PEAK1: variants seen among roughly 807,000 people sequenced by gnomAD.
PEAK1 encodes the protein inactive tyrosine-protein kinase PEAK1.
PEAK1 carries 54 observed loss-of-function variants against 124.7 expected under a neutral mutation model. The observed-to-expected ratio is 0.43, with a 90% CI of 0.35 to 0.54. The LOEUF (loss-of-function observed/expected upper bound fraction) is 0.54, where lower values mean the gene tolerates loss of function less well. Among genes scored for constraint, PEAK1 ranks in the 20% least tolerant of loss-of-function variants. The pLI, the probability that PEAK1 is intolerant of heterozygous loss-of-function variation, is 0.01. For missense variants in PEAK1, 2,046 were observed against 2,134.5 expected (o/e 0.96, Z 0.82); for synonymous variants, 719 against 760.0 (o/e 0.95, Z 0.89).
Position 77,381,974 on chromosome 15 carries a change from A to G in PEAK1, c.-665-16749T>C, listed in dbSNP as rs77699608. Among the ~76,000 whole-genome samples, 222 of 152,400 alleles carry G rather than the reference A, an allele frequency of 1.5e-3. 1 individual carries two copies. The highest frequency in any genetic ancestry group is 4.8e-3 in the African/African-American group (201 of 41,596). On this transcript the variant is annotated intron_variant, in intron 1 of 9. Coordinates refer to ENST00000682557, the MANE Select transcript of PEAK1 (RefSeq NM_001385026.1). ...ATTCTAATGTCAGGGTTCTAAGATA[A>G]CCTTCATATTTTCTCTGCCTTTGGA...
At chr15:77,417,037 T>C (rs554810320) in intron 1 of PEAK1, among the ~76,000 whole-genome samples, 1 of 152,240 alleles carries the variant, frequency 6.6e-6, no homozygotes, top group Non-Finnish European at 1.5e-5. Context: ...AGTTAACTCT[T>C]ACCTATTATT....
rs2053031913 is a variant in PEAK1 at position 77,133,267 on chromosome 15, TG to T, written c.3814del (p.Gln1272ArgfsTer15). The T allele has an allele frequency of 1.2e-6, 2 of 1,614,142 alleles. No homozygotes were observed. On this transcript the variant is annotated frameshift_variant, in exon 9 of 10. Coordinates refer to ENST00000682557, the MANE Select transcript of PEAK1 (RefSeq NM_001385026.1). LOFTEE classifies it high-confidence loss of function. The surrounding 1 kb of genome is among the most constrained non-coding windows in gnomAD (Gnocchi z 4.2). ...CRQGRGIQKP[Q>X]RQALYRGLEN... ...AAGTCCTCGATAAAGTGCTTGTCTC[TG>T]CGGCTTCTGGATGCCTCGGCCCTGT...
At chr15:77,322,160 C>T (rs941926552) in intron 2 of PEAK1, among the ~76,000 whole-genome samples, 20 of 151,882 alleles carry the variant, frequency 1.3e-4, no homozygotes, top group Non-Finnish European at 4.4e-5. Flanking sequence ...GGCATTAATG[C>T]CCACAAGAGA....
At chr15:77,392,721 G>A (rs1427296347) in intron 1 of PEAK1, among the ~76,000 whole-genome samples, 2 of 152,114 alleles carry the variant, frequency 1.3e-5, no homozygotes, top group East Asian at 1.9e-4. Flanking sequence ...AGGAGGCGGC[G>A]GAGTAAGATG....
chr15:77,234,268 G>A (rs1398407970), intron 6 of PEAK1, among the ~76,000 whole-genome samples: 2 of 151,814 alleles, frequency 1.3e-5, no homozygotes, highest in African/African-American at 4.8e-5. Flanking sequence ...TACCAATATC[G>A]ATTAATATAT....
chr15:77,351,992 G>A (rs1043081182), intron 2 of PEAK1: 16 of 970,038 alleles, frequency 1.6e-5, no homozygotes, highest in Non-Finnish European at 2.0e-5. Context: ...AGGCCAAGGC[G>A]GGAGTATAGC....
chr15:77,341,518 CT>C (rs1234153395), intron 2 of PEAK1, among the ~76,000 whole-genome samples: 2 of 151,222 alleles, frequency 1.3e-5, no homozygotes, highest in African/African-American at 4.9e-5. Context: ...AAAAAAAAAG[CT>C]CCACTGAGCT....
rs139495391 is a variant in PEAK1, at chr15:77,131,667, T to C, written c.4077+1338A>G. Among the ~76,000 whole-genome samples the C allele has an allele frequency of 7.6e-4, 116 of 152,352 alleles. 1 individual carries two copies. Among genetic ancestry groups the C allele is most frequent in the Admixed American group, 2.2e-3 (34 of 15,308 alleles). ...AAGATTAAATTACATAACAAAAATATAGTTCCAGGAACATCAATAAACATT... is the reference window on the plus strand; with the variant it reads ...AAGATTAAATTACATAACAAAAATACAGTTCCAGGAACATCAATAAACATT... On this transcript the variant is annotated intron_variant, in intron 9 of 9. Transcript: ENST00000682557.
chr15:77,247,832 T>C (rs1473157542), intron 6 of PEAK1, among the ~76,000 whole-genome samples: 2 of 152,170 alleles, frequency 1.3e-5, no homozygotes, highest in Admixed American at 6.6e-5. Context: ...AAACCTACTT[T>C]CATAATGCAT....
chr15:77,122,341 A>G (rs1291115033), intron 9 of PEAK1, among the ~76,000 whole-genome samples: 1 of 152,290 alleles, frequency 6.6e-6, no homozygotes, highest in East Asian at 1.9e-4. Flanking sequence ...TGTGACTTGT[A>G]CTCACCAAAG....
chr15:77,283,690 T>A (rs2062783531), intron 5 of PEAK1, 193 bp downstream of exon 5: 1 of 161,040 alleles, frequency 6.2e-6, no homozygotes. Flanking sequence ...TTAACTGAAA[T>A]TTTCCTTAGC....
intron 2 of PEAK1, among the ~76,000 whole-genome samples, chr15:77,291,486 C>T (rs747795073): frequency 3.3e-5 from 5 of 152,070 alleles, no homozygotes; most frequent in Non-Finnish European, 7.4e-5. Context: ...AAGAAACTGG[C>T]GGCCCACCAA....
intron 7 of PEAK1, among the ~76,000 whole-genome samples, chr15:77,176,862 A>G (rs1052106432): frequency 4.6e-5 from 7 of 152,230 alleles, no homozygotes; most frequent in African/African-American, 1.7e-4. Flanking sequence ...TTAATCAGGA[A>G]TGACACCATG....
intron 2 of PEAK1, among the ~76,000 whole-genome samples, chr15:77,297,699 C>A (rs2063554428): frequency 7.2e-6 from 1 of 139,832 alleles, no homozygotes; most frequent in South Asian, 2.3e-4. Context: ...GCAGAGGTTG[C>A]AGTGAGCCAA....
chr15:77,254,794 C>A (rs776960292), intron 5 of PEAK1, among the ~76,000 whole-genome samples: 4 of 152,144 alleles, frequency 2.6e-5, no homozygotes, highest in African/African-American at 9.7e-5. Context: ...TTAAGAACTA[C>A]TGTGTGAAAG....
chr15:77,249,760 G>A (rs1319862804), intron 6 of PEAK1, among the ~76,000 whole-genome samples: 3 of 151,996 alleles, frequency 2.0e-5, no homozygotes, highest in African/African-American at 7.3e-5. Context: ...CTGACCTCAG[G>A]TGATCCACCC....
chr15:77,152,115 T>C (rs8028571), intron 8 of PEAK1, among the ~76,000 whole-genome samples: 99,910 of 152,016 alleles, frequency 0.66, 33,803 homozygotes, highest in Non-Finnish European at 0.76. Flanking sequence ...TCTTCCCACC[T>C]ATGAACATGT....
downstream of PEAK1, chr15:77,104,961 C>T (rs1049125398): frequency 6.6e-6 from 1 of 152,250 alleles, no homozygotes; most frequent in Non-Finnish European, 1.5e-5. Flanking sequence ...CATCTCAGCT[C>T]TTCAAGGCAT....
At chr15:77,235,260 G>C (rs1053394343) in intron 6 of PEAK1, among the ~76,000 whole-genome samples, 11 of 151,974 alleles carry the variant, frequency 7.2e-5, no homozygotes, top group African/African-American at 2.7e-4. Flanking sequence ...TTGGAACTGG[G>C]TAACAAGCAG....
Sources: gnomAD v4.1 joint callset for allele counts (sites outside exome capture counted in the v4.1 genomes callset) on GRCh38, gnomAD v4.1.1 for gene constraint, Gnocchi (gnomAD v3.1) non-coding constraint, MANE v1.5 for transcripts, NCBI Gene and HGNC (gene_info 2026-07-23, HGNC 2026-07-21) for gene names.